The following RBFOX3 variants were observed in gnomAD, a reference collection of about 807,000 sequenced individuals.
RBFOX3 encodes RNA binding fox-1 homolog 3.
RBFOX3 carries 17 observed loss-of-function variants against 48.7 expected under a neutral mutation model. The observed-to-expected ratio is 0.35, with a 90% confidence interval of 0.24 to 0.52. RBFOX3 has a LOEUF of 0.52. Ranked by LOEUF, RBFOX3 falls within the 20% of genes least tolerant of loss-of-function variation. The probability of loss-of-function intolerance (pLI) is 0.94; values close to 1 mark genes in which losing one functional copy is unlikely to be tolerated. For synonymous variants in RBFOX3, 212 were observed against 209.5 expected, an observed-to-expected ratio of 1.01 and a Z score of -0.10; for missense variants, 382 against 497.5, an observed-to-expected ratio of 0.77 and a Z score of 2.21.
intron 2 of RBFOX3, among the ~76,000 whole-genome samples, chr17:79,326,367 C>T (rs1015679426): frequency 1.3e-5 from 2 of 152,200 alleles, no homozygotes; most frequent in Non-Finnish European, 2.9e-5. Context: ...CAGGATCACG[C>T]AGAGGGCTGC....
In RBFOX3 at chr17:79,105,157, G is replaced by C. The variant is rs528648453; in HGVS notation, c.361-1031C>G. Among the ~76,000 whole-genome samples, 20 of 152,362 alleles carry C rather than the reference G, an allele frequency of 1.3e-4. No individual in the cohort carries two copies. The South Asian group carries it at 3.3e-3, about 25-fold the overall frequency. On this transcript the variant is annotated intron_variant, in intron 6 of 14. Transcript: ENST00000693108. ...CACCTCCACACAGTCCTGGAGGCGGGGGGTGCAGCAAGCCCCAGTGGGGCC... is the reference window on the plus strand; with the variant it reads ...CACCTCCACACAGTCCTGGAGGCGGCGGGTGCAGCAAGCCCCAGTGGGGCC...
At chr17:79,367,354 T>C (rs1263201065) in intron 2 of RBFOX3, among the ~76,000 whole-genome samples, 3 of 132,618 alleles carry the variant, frequency 2.3e-5, no homozygotes, top group Non-Finnish European at 4.8e-5. Context: ...CCCCTCCTCC[T>C]CCTACTCCTC....
chr17:79,246,184 A>G (rs930098496), intron 3 of RBFOX3, among the ~76,000 whole-genome samples: 1 of 152,136 alleles, frequency 6.6e-6, no homozygotes, highest in African/African-American at 2.4e-5. Context: ...ATAGAATGAC[A>G]TGGACACAAG....
the RBFOX3 span, among the ~76,000 whole-genome samples, chr17:79,654,968 A>G: frequency 1.0e-3 from 155 of 152,356 alleles, no homozygotes; most frequent in African/African-American, 2.6e-3. Context: ...TAAACTGTAC[A>G]GTCTGAATGG....
chr17:79,337,783 AAAAAG>A (rs912380596), intron 2 of RBFOX3, among the ~76,000 whole-genome samples: 2 of 152,164 alleles, frequency 1.3e-5, no homozygotes, highest in African/African-American at 2.4e-5. Context: ...CTCAAAAAAG[AAAAAG>A]AAAAGAAAAT....
intron 2 of RBFOX3, among the ~76,000 whole-genome samples, chr17:79,384,248 G>A (rs769734774): frequency 6.6e-6 from 1 of 152,166 alleles, no homozygotes; most frequent in Non-Finnish European, 1.5e-5. Flanking sequence ...AGCGAGGAAG[G>A]TAATGAATCT....
chr17:79,313,527 G>A (rs2077131227), intron 2 of RBFOX3, among the ~76,000 whole-genome samples: 1 of 152,196 alleles, frequency 6.6e-6, no homozygotes. Context: ...GGTCAGTGTA[G>A]GGGAGCAGCC....
At chr17:79,215,107 C>A (rs2058854109) in intron 4 of RBFOX3, among the ~76,000 whole-genome samples, 1 of 152,190 alleles carries the variant, frequency 6.6e-6, no homozygotes, top group South Asian at 2.1e-4. Flanking sequence ...TTCACACACC[C>A]CAGGCCATCT....
intron 2 of RBFOX3, among the ~76,000 whole-genome samples, chr17:79,396,666 C>T (rs1351307110): frequency 6.6e-6 from 1 of 152,228 alleles, no homozygotes; most frequent in African/African-American, 2.4e-5. Context: ...CTCAGGAGGG[C>T]TGTCATTGTC....
intron 1 of RBFOX3, chr17:79,600,690 C>G (rs2093685272): frequency 6.6e-6 from 1 of 152,298 alleles, no homozygotes; most frequent in South Asian, 2.1e-4. Flanking sequence ...GGGGCTCCCA[C>G]CTCGAAGGCC....
chr17:79,103,073 C>G lies in RBFOX3; in HGVS notation c.507+89G>C. On this transcript the variant is annotated intron_variant, in intron 8 of 14. Coordinates refer to ENST00000693108, the MANE Select transcript of RBFOX3 (RefSeq NM_001350451.2). The surrounding 1 kb of genome is among the most constrained non-coding windows in gnomAD (Gnocchi z 6.1). ...CCCTGGCCAGGCTCTCTGAAGGGTG[C>G]GGCAGTGGCAGGGCTGGTTGGTTGG... The G allele has an allele frequency of 4.1e-6, 4 of 969,180 alleles. No homozygotes were observed. The highest frequency in any genetic ancestry group is 4.8e-6 in the Non-Finnish European group (3 of 626,144). 60.0% of individuals were successfully genotyped at this position (969,180 alleles called of 1,614,324 possible).
chr17:79,611,133 T>TCC, upstream of RBFOX3, among the ~76,000 whole-genome samples: 1 of 19,942 alleles, frequency 5.0e-5, no homozygotes, highest in African/African-American at 1.2e-4. Flanking sequence ...GCCCTCCTTC[T>TCC]CTCTCTCTCT....
intron 2 of RBFOX3, among the ~76,000 whole-genome samples, chr17:79,425,911 G>A (rs1555725222): frequency 6.6e-6 from 1 of 152,210 alleles, no homozygotes; most frequent in East Asian, 1.9e-4. Context: ...GCGGGCACCA[G>A]GCCTGCGCCT....
intron 2 of RBFOX3, among the ~76,000 whole-genome samples, chr17:79,341,079 C>T (rs1032171094): frequency 6.6e-6 from 1 of 152,246 alleles, no homozygotes; most frequent in African/African-American, 2.4e-5. Flanking sequence ...TCAAATACCT[C>T]TGAGTGTTTG....
At chr17:79,579,560 C>T (rs1446154603) in intron 1 of RBFOX3, among the ~76,000 whole-genome samples, 5 of 152,024 alleles carry the variant, frequency 3.3e-5, no homozygotes, top group Admixed American at 6.5e-5. Context: ...CCAGCACGCG[C>T]GAGTGATGAA....
At chr17:79,193,916 G>A (rs1197631896) in intron 4 of RBFOX3, among the ~76,000 whole-genome samples, 1 of 152,146 alleles carries the variant, frequency 6.6e-6, no homozygotes, top group Non-Finnish European at 1.5e-5. Flanking sequence ...CCGGGCTAGG[G>A]GAGCAGGCCT....
At position 79,180,713 on chromosome 17, in the gene RBFOX3, C is replaced by T. The variant is rs952018942; in HGVS notation, c.-34+55053G>A. The stretch of plus-strand genomic sequence containing the variant: ...GACCGCCCCAGCTGTGTGTGCTCAC[C>T]TAAAAACATACACCCACAAATAGCC... On this transcript the variant is annotated intron_variant, in intron 4 of 14. Transcript: ENST00000693108. Among the ~76,000 whole-genome samples, 15 of 152,130 alleles carry T rather than the reference C, an allele frequency of 9.9e-5. 1 individual carries two copies. The highest frequency in any genetic ancestry group is 9.8e-4 in the Admixed American group (15 of 15,278).
At chr17:79,296,540 C>T (rs761598191) in intron 3 of RBFOX3, among the ~76,000 whole-genome samples, 1 of 152,146 alleles carries the variant, frequency 6.6e-6, no homozygotes, top group Non-Finnish European at 1.5e-5. Context: ...TAGCCCCAGT[C>T]TAACCCCTCC....
chr17:79,444,309 C>T (rs765743002), intron 2 of RBFOX3, among the ~76,000 whole-genome samples: 41 of 152,132 alleles, frequency 2.7e-4, no homozygotes, highest in Non-Finnish European at 4.6e-4. Flanking sequence ...ACCCACCCCT[C>T]TTATGGCCTG....
Sources: allele counts gnomAD v4.1 joint callset (sites outside exome capture counted in the v4.1 genomes callset), GRCh38; gene constraint gnomAD v4.1.1; non-coding constraint Gnocchi (gnomAD v3.1); transcripts MANE v1.5; gene names NCBI Gene and HGNC (gene_info 2026-07-23, HGNC 2026-07-21).